SLCO1B1: variants seen among roughly 807,000 people sequenced by gnomAD.
SLCO1B1 encodes the protein solute carrier organic anion transporter family member 1B1, also known as OATP-2.
SLCO1B1 carries 81 observed loss-of-function variants against 70.1 expected under a neutral mutation model. The ratio of observed to expected loss-of-function variants is 1.16; its 90% CI spans 0.97 to 1.39. The LOEUF (loss-of-function observed/expected upper bound fraction) is 1.39. SLCO1B1 is among the 40% of genes most tolerant of loss of function. The pLI is 0.00. For missense variants in SLCO1B1, 895 were observed against 799.6 expected (o/e 1.12, Z -1.44); for synonymous variants, 283 against 271.5 (o/e 1.04, Z -0.42).
chr12:21,219,787 G>C (rs971028420), intron 12 of SLCO1B1, among the ~76,000 whole-genome samples: 1 of 152,148 alleles, frequency 6.6e-6, no homozygotes, highest in African/African-American at 2.4e-5. Context: ...TTGAGAGACA[G>C]TCTTGCTCTG....
At chr12:21,138,871 T>C (rs1940267451) in intron 1 of SLCO1B1, among the ~76,000 whole-genome samples, 1 of 152,176 alleles carries the variant, frequency 6.6e-6, no homozygotes, top group Non-Finnish European at 1.5e-5. Context: ...GCTATGGGTA[T>C]ATTGAGAATG....
At chr12:21,218,119 A>G (rs748974359) in intron 12 of SLCO1B1, among the ~76,000 whole-genome samples, 1 of 152,198 alleles carries the variant, frequency 6.6e-6, no homozygotes, top group African/African-American at 2.4e-5. Context: ...GAAAAAGCCA[A>G]ATGAAAGGGT....
intron 7 of SLCO1B1, among the ~76,000 whole-genome samples, chr12:21,180,921 A>T (rs1258175318): frequency 2.0e-5 from 3 of 152,218 alleles, no homozygotes; most frequent in African/African-American, 4.8e-5. Flanking sequence ...TTCAGATATC[A>T]TTATATCTTC....
chr12:21,150,430 C>T (rs1020752164), intron 2 of SLCO1B1, among the ~76,000 whole-genome samples: 4 of 152,096 alleles, frequency 2.6e-5, no homozygotes, highest in Admixed American at 1.3e-4. Context: ...CAACAGACAC[C>T]TCATGCAGGA....
chr12:21,213,433 C>A (rs1233484553), intron 11 of SLCO1B1, among the ~76,000 whole-genome samples: 4 of 151,042 alleles, frequency 2.6e-5, no homozygotes, highest in Non-Finnish European at 4.4e-5. Flanking sequence ...CCGAGAGATC[C>A]GCTGTTAGTC....
intron 7 of SLCO1B1, among the ~76,000 whole-genome samples, chr12:21,191,785 G>A (rs115019786): frequency 0.01 from 1,533 of 152,090 alleles, 29 homozygotes; most frequent in African/African-American, 0.035. Flanking sequence ...TCATTTTGTT[G>A]AGGCAATTTT....
At chr12:21,142,118 T>C (rs771852261) in intron 2 of SLCO1B1, among the ~76,000 whole-genome samples, 1 of 151,528 alleles carries the variant, frequency 6.6e-6, no homozygotes, top group Non-Finnish European at 1.5e-5. Flanking sequence ...GATAAGTAAT[T>C]TAGGCTCATG....
chr12:21,170,184 C>T (rs569065960), intron 2 of SLCO1B1, among the ~76,000 whole-genome samples: 2 of 152,146 alleles, frequency 1.3e-5, no homozygotes, highest in Non-Finnish European at 2.9e-5. Flanking sequence ...TGTCCTTGGG[C>T]AACCTCCCTA....
At chr12:21,153,540 A>C (rs1940501296) in intron 2 of SLCO1B1, among the ~76,000 whole-genome samples, 1 of 152,100 alleles carries the variant, frequency 6.6e-6, no homozygotes, top group Non-Finnish European at 1.5e-5. Context: ...TACTTAATAA[A>C]AATGCATATT....
intron 1 of SLCO1B1, among the ~76,000 whole-genome samples, chr12:21,139,925 AGAGTATCT>A (rs149283616): frequency 0.047 from 7,191 of 152,236 alleles, 185 homozygotes; most frequent in Admixed American, 0.081. Context: ...CCGGTGCACA[AGAGTATCT>A]GAGGGAAAAG....
At position 21,229,317 on chromosome 12, in the gene SLCO1B1, A is replaced by G. The variant is rs7957064; in HGVS notation, c.1865+4478A>G. Among the ~76,000 whole-genome samples, 1,181 of 152,220 alleles carry G rather than the reference A, an allele frequency of 7.8e-3. 14 individuals are homozygous for G. The highest frequency in any genetic ancestry group is 0.027 in the African/African-American group (1,102 of 41,486). The stretch of plus-strand genomic sequence containing the variant: ...TACTTTTATGGGTTTGGACAAATGC[A>G]TAATGACATATATCCACCATTACAG... On this transcript the variant is annotated intron_variant, in intron 14 of 14. Coordinates refer to ENST00000256958, the MANE Select transcript of SLCO1B1 (RefSeq NM_006446.5).
intron 14 of SLCO1B1, among the ~76,000 whole-genome samples, chr12:21,229,562 CT>C (rs1941513120): frequency 2.0e-5 from 3 of 152,090 alleles, no homozygotes; most frequent in Admixed American, 1.3e-4. Flanking sequence ...TAGCTCATTT[CT>C]TTTTATTGCT....
At chr12:21,133,765 A>G (rs1323151034) in intron 1 of SLCO1B1, among the ~76,000 whole-genome samples, 1 of 152,204 alleles carries the variant, frequency 6.6e-6, no homozygotes, top group Non-Finnish European at 1.5e-5. Context: ...ATATACAATC[A>G]TGTGATCTGC....
intron 9 of SLCO1B1, among the ~76,000 whole-genome samples, chr12:21,200,933 G>T (rs988987311): frequency 6.6e-6 from 1 of 152,020 alleles, no homozygotes; most frequent in African/African-American, 2.4e-5. Flanking sequence ...GGTAGTATCT[G>T]TATAATTGGA....
At chr12:21,165,756 T>TTAGC (rs1442694466) in intron 2 of SLCO1B1, among the ~76,000 whole-genome samples, 3 of 152,090 alleles carry the variant, frequency 2.0e-5, no homozygotes, top group Non-Finnish European at 4.4e-5. Flanking sequence ...CAAAGAGAAG[T>TTAGC]TAGCTGTTTG....
At chr12:21,208,440 G>C (rs1941239217) in intron 11 of SLCO1B1, among the ~76,000 whole-genome samples, 1 of 151,948 alleles carries the variant, frequency 6.6e-6, no homozygotes, top group Non-Finnish European at 1.5e-5. Context: ...GATGGTTTTA[G>C]GTGTGTGGCT....
At chr12:21,133,896 TC>T (rs1940177165) in intron 1 of SLCO1B1, among the ~76,000 whole-genome samples, 1 of 152,232 alleles carries the variant, frequency 6.6e-6, no homozygotes, top group Non-Finnish European at 1.5e-5. Flanking sequence ...AGAGAGGGCA[TC>T]CCTGTCTTGT....
At chr12:21,202,455 CAT>C (rs753543114) in intron 9 of SLCO1B1, 34 bp from the exon 10 acceptor site, 2 of 1,349,602 alleles carry the variant, frequency 1.5e-6, no homozygotes, top group East Asian at 2.3e-5. Context: ...TCAGAAAACT[CAT>C]ATATGATTAC....
At position 21,214,012 on chromosome 12, in the gene SLCO1B1, G is replaced by A. The variant is rs1394011190; in HGVS notation, c.1498-3107G>A. 3.9e-5 allele frequency among the ~76,000 whole-genome samples: 6 copies of A among 151,960 alleles called. No homozygotes were observed. The East Asian group carries it at 1.2e-3, about 30-fold the overall frequency. The stretch of plus-strand genomic sequence containing the variant: ...CAACTTCTTTGCCTTTGGTTTGAAT[G>A]TCCTCCTGTAGCTCAGAGTAATTTG... On this transcript the variant is annotated intron_variant, in intron 11 of 14. Coordinates refer to ENST00000256958, the MANE Select transcript of SLCO1B1 (RefSeq NM_006446.5).
Sources: allele counts gnomAD v4.1 joint callset (sites outside exome capture counted in the v4.1 genomes callset), GRCh38; gene constraint gnomAD v4.1.1; transcripts MANE v1.5; gene names NCBI Gene and HGNC (gene_info 2026-07-23, HGNC 2026-07-21).